Variants in WASF2 observed in about 807,000 individuals in gnomAD.
WASF2 encodes the protein WASP family member 2.
Under a neutral mutation model 45.0 loss-of-function variants are expected in WASF2, and 14 were observed. The ratio of observed to expected loss-of-function variants is 0.31; its 90% CI spans 0.21 to 0.49. The LOEUF is 0.49. Ranked by LOEUF, WASF2 falls within the 20% of genes least tolerant of loss-of-function variation. The probability of loss-of-function intolerance (pLI) is 0.99; values close to 1 mark genes in which losing one functional copy is unlikely to be tolerated. For synonymous variants in WASF2, 200 were observed against 236.3 expected (o/e 0.85, Z 1.41); for missense variants, 439 against 636.1 (o/e 0.69, Z 3.33).
chr1:27,459,900 C>T (rs776459111), intron 1 of WASF2, among the ~76,000 whole-genome samples: 3 of 152,266 alleles, frequency 2.0e-5, no homozygotes, highest in Middle Eastern at 6.8e-3. Flanking sequence ...GAAAGTTTAG[C>T]GATTTGACTA....
chr1:27,487,524 AT>A (rs1176472455), intron 1 of WASF2, among the ~76,000 whole-genome samples: 2 of 109,626 alleles, frequency 1.8e-5, no homozygotes, highest in East Asian at 2.2e-4. Flanking sequence ...TATTATATAT[AT>A]TTTATACAAT....
chr1:27,420,078 T>C (rs1443253461), intron 2 of WASF2, among the ~76,000 whole-genome samples: 3 of 152,058 alleles, frequency 2.0e-5, no homozygotes, highest in Non-Finnish European at 4.4e-5. Flanking sequence ...CTAATTTTTG[T>C]ATTTTTGGTA....
intron 1 of WASF2, among the ~76,000 whole-genome samples, chr1:27,480,196 A>G (rs546132949): frequency 6.6e-6 from 1 of 152,242 alleles, no homozygotes; most frequent in African/African-American, 2.4e-5. Context: ...ATTTCTCAAG[A>G]CCTGATTTAA....
chr1:27,486,087 T>C (rs1420986768), intron 1 of WASF2, among the ~76,000 whole-genome samples: 1 of 152,172 alleles, frequency 6.6e-6, no homozygotes, highest in East Asian at 1.9e-4. Context: ...GAAAAATAAA[T>C]TTTTCATTAT....
At chr1:27,412,301 G>C (rs916422107) in intron 7 of WASF2, among the ~76,000 whole-genome samples, 1 of 152,096 alleles carries the variant, frequency 6.6e-6, no homozygotes, top group African/African-American at 2.4e-5. Context: ...TAACCTCCCA[G>C]GCTCAAGCGA....
intron 1 of WASF2, among the ~76,000 whole-genome samples, chr1:27,437,482 T>C (rs1202780207): frequency 6.6e-6 from 1 of 152,232 alleles, no homozygotes; most frequent in Admixed American, 6.5e-5. Context: ...TTCTGAGCTC[T>C]GAGGAAAAGA....
At position 27,415,070 on chromosome 1, in the gene WASF2, C is replaced by T. The variant is rs892788208; in HGVS notation, c.538-107G>A. On this transcript the variant is annotated intron_variant, in intron 5 of 8. Transcript: ENST00000618852. ...GTATCTAAGAGATAATCTGCCTAGACAACATACAATAACTACAGAACTTAC... is the reference window on the plus strand; with the variant it reads ...GTATCTAAGAGATAATCTGCCTAGATAACATACAATAACTACAGAACTTAC... 3 of 1,392,332 alleles carry T rather than the reference C, an allele frequency of 2.2e-6. No homozygotes were observed. The African/African-American group carries it at 4.3e-5, about 20-fold the overall frequency. The allele number at this position is 1,392,332 out of a possible 1,614,324, so 86.2% of individuals were successfully genotyped here.
intron 1 of WASF2, among the ~76,000 whole-genome samples, chr1:27,451,187 G>T (rs1338900113): frequency 6.6e-6 from 1 of 152,098 alleles, no homozygotes; most frequent in Non-Finnish European, 1.5e-5. Flanking sequence ...TGCCCTCACA[G>T]AGCTTGCAAG....
chr1:27,420,679 G>A (rs964187645), intron 2 of WASF2, among the ~76,000 whole-genome samples: 27 of 151,914 alleles, frequency 1.8e-4, no homozygotes, highest in Non-Finnish European at 3.1e-4. Flanking sequence ...CTGCCACAAC[G>A]CCCGGCTCAT....
rs1286522879 is a variant in WASF2 at position 27,405,823 on chromosome 1, GGAT to G, written c.*2363_*2365del. ...GCAGATCATTACCAAACCAACTGTA[GGAT>G]GAGAACATAGCACATCGAAACCCTA... On this transcript the variant is annotated 3_prime_UTR_variant, in exon 9 of 9. Coordinates refer to ENST00000618852, the MANE Select transcript of WASF2 (RefSeq NM_006990.5). 6.6e-6 allele frequency: 1 copy of G among 152,314 alleles called. No homozygotes were observed. The highest frequency in any genetic ancestry group is 1.5e-5 in the Non-Finnish European group (1 of 67,982). The allele number at this position is 152,314 out of a possible 1,614,324, so 9.4% of individuals were successfully genotyped here. A position where few individuals can be genotyped will look rare whatever the true frequency, so the allele number is the denominator to read the frequency against.
intron 1 of WASF2, among the ~76,000 whole-genome samples, chr1:27,486,839 G>A (rs1308744798): frequency 9.2e-5 from 14 of 151,648 alleles, no homozygotes; most frequent in African/African-American, 3.1e-4. Flanking sequence ...CAGGAGAATC[G>A]CCCGAACCTG....
At chr1:27,466,195 A>G (rs1051778957) in intron 1 of WASF2, among the ~76,000 whole-genome samples, 1 of 152,250 alleles carries the variant, frequency 6.6e-6, no homozygotes, top group African/African-American at 2.4e-5. Context: ...ACCCCAGGGT[A>G]ACCAAAGAGT....
intron 1 of WASF2, among the ~76,000 whole-genome samples, chr1:27,446,896 T>C (rs715224): frequency 6.6e-6 from 1 of 152,172 alleles, no homozygotes; most frequent in Admixed American, 6.5e-5. Flanking sequence ...CCCGTGAGCA[T>C]TCTTCTTGCT....
chr1:27,477,570 C>G (rs2017782894), intron 1 of WASF2, among the ~76,000 whole-genome samples: 1 of 150,346 alleles, frequency 6.7e-6, no homozygotes, highest in South Asian at 2.1e-4. Context: ...TTGCAATGAG[C>G]AAGTATTACT....
intron 1 of WASF2, among the ~76,000 whole-genome samples, chr1:27,479,464 T>A (rs2017816159): frequency 6.6e-6 from 1 of 152,230 alleles, no homozygotes; most frequent in South Asian, 2.1e-4. Flanking sequence ...AAAATAAATA[T>A]AAATCTCATC....
At chr1:27,467,960 G>T (rs1267203696) in intron 1 of WASF2, among the ~76,000 whole-genome samples, 3 of 151,352 alleles carry the variant, frequency 2.0e-5, no homozygotes, top group African/African-American at 7.3e-5. Flanking sequence ...TTGAGACAGG[G>T]TCTCACTCTG....
intron 1 of WASF2, among the ~76,000 whole-genome samples, chr1:27,472,453 G>A (rs2017702761): frequency 6.6e-6 from 1 of 151,492 alleles, no homozygotes; most frequent in African/African-American, 2.4e-5. Context: ...GGGCAACATG[G>A]TGAAATCCCA....
At chr1:27,447,172 A>G (rs2017322422) in intron 1 of WASF2, among the ~76,000 whole-genome samples, 3 of 152,216 alleles carry the variant, frequency 2.0e-5, no homozygotes, top group Non-Finnish European at 4.4e-5. Context: ...TTAAGATATG[A>G]GTATTTAGAA....
chr1:27,483,823 C>T (rs543171989), intron 1 of WASF2, among the ~76,000 whole-genome samples: 10 of 151,680 alleles, frequency 6.6e-5, no homozygotes, highest in African/African-American at 2.4e-4. Context: ...CATGGTAGCG[C>T]TCACATGTAG....
Sources: gnomAD v4.1 joint callset for allele counts (sites outside exome capture counted in the v4.1 genomes callset) on GRCh38, gnomAD v4.1.1 for gene constraint, MANE v1.5 for transcripts, NCBI Gene and HGNC (gene_info 2026-07-23, HGNC 2026-07-21) for gene names.